Variants in CTNND2 observed in about 807,000 individuals in gnomAD.
CTNND2 encodes the protein catenin delta 2, also known as catenin delta-2.
A neutral mutation model predicts 144.4 loss-of-function variants in CTNND2; 22 were observed. The observed-to-expected ratio is 0.15, with a 90% CI of 0.11 to 0.22. CTNND2 has a LOEUF of 0.22. Ranked by LOEUF, CTNND2 falls within the 10% of genes least tolerant of loss-of-function variation. CTNND2 has a pLI of 1.00. For missense variants in CTNND2, 1,353 were observed against 1,618.8 expected (o/e 0.84, Z 2.82); for synonymous variants, 751 against 695.6 (o/e 1.08, Z -1.25).
intron 1 of CTNND2, among the ~76,000 whole-genome samples, chr5:11,802,503 G>C (rs1341443983): frequency 1.3e-5 from 2 of 151,302 alleles, no homozygotes. Context: ...GAAGGCAGAG[G>C]CTGCAGTGAG....
intron 16 of CTNND2, among the ~76,000 whole-genome samples, chr5:11,025,500 A>C (rs538200541): frequency 4.6e-5 from 7 of 152,324 alleles, no homozygotes; most frequent in Admixed American, 4.6e-4. Context: ...CAGGGAAGAG[A>C]CAAGTTAGAT....
In CTNND2 at chr5:11,125,041, G is replaced by A. The variant is rs534990726; in HGVS notation, c.2160-7474C>T. Among the ~76,000 whole-genome samples the A allele has an allele frequency of 5.9e-5, 9 of 152,284 alleles. No homozygotes were observed. The South Asian group carries it at 1.5e-3, about 25-fold the overall frequency. On this transcript the variant is annotated intron_variant, in intron 12 of 21. Coordinates refer to ENST00000304623, the MANE Select transcript of CTNND2 (RefSeq NM_001332.4). ...GCCTTGTGTCCTCCCACAAGGCCTT[G>A]GGAAACTTTGTCTGTGGTTTCCAAA...
Position 11,111,876 on chromosome 5 carries a change from T to A in CTNND2, c.2278-833A>T, listed in dbSNP as rs1753022984. Among the ~76,000 whole-genome samples the A allele has an allele frequency of 2.6e-5, 4 of 151,050 alleles. No homozygotes were observed. In the South Asian group the frequency reaches 8.4e-4, roughly 32 times the overall value. The stretch of plus-strand genomic sequence containing the variant: ...TTTTTTTTTTTTTTGAGACGGAGTC[T>A]CGCTTTGTCGCCCAGGCTGGAGTGC... On this transcript the variant is annotated intron_variant, in intron 13 of 21. Transcript: ENST00000304623.
chr5:11,646,688 C>CT (rs1436120775), intron 2 of CTNND2, among the ~76,000 whole-genome samples: 6 of 152,132 alleles, frequency 3.9e-5, no homozygotes, highest in Non-Finnish European at 7.4e-5. Flanking sequence ...TTCAATTTGT[C>CT]TTTTTGTTCC....
At chr5:11,484,427 A>G (rs1768603901) in intron 3 of CTNND2, among the ~76,000 whole-genome samples, 1 of 152,200 alleles carries the variant, frequency 6.6e-6, no homozygotes. Context: ...CTCACAAATA[A>G]GAAAGGGTCA....
At position 11,140,903 on chromosome 5, in the gene CTNND2, T is replaced by C. The variant is rs373682733; in HGVS notation, c.2159+18673A>G. ...TTGGAAGGTAAGAGACAATTACTAA[T>C]ACTATTTTTATTCCTTTTGTATTGT... On this transcript the variant is annotated intron_variant, in intron 12 of 21. Coordinates refer to ENST00000304623, the MANE Select transcript of CTNND2 (RefSeq NM_001332.4). Among the ~76,000 whole-genome samples, 4 of 152,344 alleles carry C rather than the reference T, an allele frequency of 2.6e-5. No homozygotes were observed. In the South Asian group the frequency reaches 6.2e-4, roughly 24 times the overall value.
chr5:11,406,000 T>C (rs150332898), intron 5 of CTNND2, among the ~76,000 whole-genome samples: 192 of 152,040 alleles, frequency 1.3e-3, no homozygotes, highest in African/African-American at 3.9e-3. Context: ...AATACAAAAA[T>C]TAGCCAGGCG....
At chr5:11,874,284 A>C (rs530966425) in intron 1 of CTNND2, among the ~76,000 whole-genome samples, 40 of 152,328 alleles carry the variant, frequency 2.6e-4, no homozygotes, top group African/African-American at 9.6e-4. Context: ...AGTAAACATA[A>C]GATAGCAGTC....
At chr5:11,399,682 G>T (rs1760462890) in intron 5 of CTNND2, among the ~76,000 whole-genome samples, 1 of 152,134 alleles carries the variant, frequency 6.6e-6, no homozygotes, top group African/African-American at 2.4e-5. Flanking sequence ...TATTTGATCA[G>T]TACTCAATGA....
At chr5:11,108,515 C>T (rs1752642036) in intron 14 of CTNND2, among the ~76,000 whole-genome samples, 1 of 152,220 alleles carries the variant, frequency 6.6e-6, no homozygotes, top group South Asian at 2.1e-4. Context: ...AGTTGTGAAA[C>T]AAAGATGATC....
intron 1 of CTNND2, among the ~76,000 whole-genome samples, chr5:11,747,356 A>G (rs4463181): frequency 0.98 from 148,991 of 152,280 alleles, 72,961 homozygotes; most frequent in East Asian, 1. Context: ...AAGTTCTAAC[A>G]TATTTCATAA....
chr5:11,493,733 A>G (rs1168020023), intron 3 of CTNND2, among the ~76,000 whole-genome samples: 1 of 152,162 alleles, frequency 6.6e-6, no homozygotes, highest in African/African-American at 2.4e-5. Context: ...CATTTAGCAG[A>G]ATTCTAACCT....
At chr5:11,430,019 A>G (rs1269361179) in intron 3 of CTNND2, among the ~76,000 whole-genome samples, 3 of 152,006 alleles carry the variant, frequency 2.0e-5, no homozygotes, top group Non-Finnish European at 4.4e-5. Context: ...TGGGAGGCCG[A>G]GGTGGGTGGA....
intron 14 of CTNND2, among the ~76,000 whole-genome samples, chr5:11,105,975 T>C (rs543635441): frequency 6.6e-5 from 10 of 152,218 alleles, no homozygotes; most frequent in Non-Finnish European, 1.3e-4. Context: ...GTATGGTTAC[T>C]AATGAGAAAA....
At chr5:11,478,807 C>G (rs1323961115) in intron 3 of CTNND2, among the ~76,000 whole-genome samples, 1 of 152,128 alleles carries the variant, frequency 6.6e-6, no homozygotes, top group Non-Finnish European at 1.5e-5. Flanking sequence ...ATCTGGTAAA[C>G]TTAAATCTGA....
At chr5:11,788,806 C>G (rs551020829) in intron 1 of CTNND2, among the ~76,000 whole-genome samples, 73 of 151,756 alleles carry the variant, frequency 4.8e-4, no homozygotes, top group African/African-American at 1.7e-3. Flanking sequence ...TTAGGTATAT[C>G]TCCTAATGCT....
chr5:11,563,091 C>T (rs1038847292), intron 3 of CTNND2, among the ~76,000 whole-genome samples: 11 of 152,202 alleles, frequency 7.2e-5, no homozygotes, highest in African/African-American at 2.4e-4. Context: ...AGCCCATATA[C>T]TCACAGTCTG....
intron 1 of CTNND2, among the ~76,000 whole-genome samples, chr5:11,734,390 A>T (rs1166302369): frequency 6.6e-6 from 1 of 152,212 alleles, no homozygotes; most frequent in African/African-American, 2.4e-5. Context: ...TAATTAAATC[A>T]TAGGGGCAGG....
At chr5:11,148,313 G>A (rs1757438207) in intron 12 of CTNND2, among the ~76,000 whole-genome samples, 1 of 152,182 alleles carries the variant, frequency 6.6e-6, no homozygotes, top group Non-Finnish European at 1.5e-5. Flanking sequence ...TGGCTAATTT[G>A]ATGTTATGTA....
Sources: gnomAD v4.1 joint callset for allele counts (sites outside exome capture counted in the v4.1 genomes callset) on GRCh38, gnomAD v4.1.1 for gene constraint, MANE v1.5 for transcripts, NCBI Gene and HGNC (gene_info 2026-07-23, HGNC 2026-07-21) for gene names.